ACSBG2: variants seen among roughly 807,000 people sequenced by gnomAD.
The protein encoded by ACSBG2 is acyl-CoA synthetase bubblegum family member 2, also known as long-chain-fatty-acid--CoA ligase ACSBG2.
Under a neutral mutation model 74.7 loss-of-function variants are expected in ACSBG2, and 62 were observed. The observed-to-expected ratio is 0.83, with a 90% CI of 0.68 to 1.03. The LOEUF (loss-of-function observed/expected upper bound fraction) is 1.03. Ranked by LOEUF, ACSBG2 falls within the 50% of genes least tolerant of loss-of-function variation. The probability of loss-of-function intolerance (pLI) is 0.00; values close to 1 mark genes in which losing one functional copy is unlikely to be tolerated. For synonymous variants in ACSBG2, 309 were observed against 294.1 expected (o/e 1.05, Z -0.52); for missense variants, 730 against 817.6 (o/e 0.89, Z 1.31).
intron 13 of ACSBG2, 189 bp from the exon 14 acceptor site, chr19:6,190,395 C>T: frequency 1.8e-6 from 1 of 560,842 alleles, no homozygotes; most frequent in Non-Finnish European, 3.2e-6. Context: ...ATCCTCACCA[C>T]AGCTGAAGGA....
At chr19:6,145,117 G>A (rs916756250) in intron 2 of ACSBG2, among the ~76,000 whole-genome samples, 6 of 151,926 alleles carry the variant, frequency 3.9e-5, no homozygotes, top group South Asian at 2.1e-4. Context: ...GTAGCATCCC[G>A]GCCGGGCGCG....
chr19:6,147,742 C>A, intron 3 of ACSBG2, 67 bp downstream of exon 3: 1 of 1,501,174 alleles, frequency 6.7e-7, no homozygotes, highest in Non-Finnish European at 9.2e-7. Context: ...GACATACATA[C>A]ATGTGGTACA....
intron 2 of ACSBG2, among the ~76,000 whole-genome samples, chr19:6,145,983 C>T (rs2089016993): frequency 1.3e-5 from 2 of 152,128 alleles, no homozygotes; most frequent in Non-Finnish European, 2.9e-5. Flanking sequence ...AATCTTCTCC[C>T]CATGAACGAC....
At chr19:6,148,753 C>T (rs2089133246) in intron 3 of ACSBG2, among the ~76,000 whole-genome samples, 2 of 152,088 alleles carry the variant, frequency 1.3e-5, no homozygotes, top group Non-Finnish European at 2.9e-5. Context: ...GAAAGATGGT[C>T]TCCTTTAGCC....
rs747175659 is a variant in ACSBG2 at position 6,183,081 on chromosome 19, C to T, written c.1131C>T (p.Leu377=). 47 of 1,614,070 alleles carry T rather than the reference C, an allele frequency of 2.9e-5. No homozygotes were observed. Among genetic ancestry groups the T allele is most frequent in the Non-Finnish European group, 3.5e-5 (41 of 1,180,036 alleles). ...TPVSYRMAKT[L]VFSKVKTSLG... ...TGAGCTACCGCATGGCTAAGACTCT[C>T]GTGTTCAGCAAAGTCAAGACATCCC... Residue 377 remains leucine, a synonymous_variant, in exon 10 of 15, where the codon CTC becomes CTT. Transcript: ENST00000588485.
At chr19:6,186,270 C>T (rs1209837634) in intron 11 of ACSBG2, among the ~76,000 whole-genome samples, 7 of 152,302 alleles carry the variant, frequency 4.6e-5, no homozygotes, top group Admixed American at 2.6e-4. Flanking sequence ...GTTGTAGCTT[C>T]TCAACTCTGT....
intron 7 of ACSBG2, among the ~76,000 whole-genome samples, chr19:6,172,612 T>G (rs1042357851): frequency 6.6e-6 from 1 of 152,200 alleles, no homozygotes; most frequent in Non-Finnish European, 1.5e-5. Flanking sequence ...ATGCTGCTTG[T>G]TGTAATGATG....
At chr19:6,184,286 T>C (rs1301550763) in intron 10 of ACSBG2, among the ~76,000 whole-genome samples, 2 of 152,130 alleles carry the variant, frequency 1.3e-5, no homozygotes, top group Admixed American at 1.3e-4. Flanking sequence ...TTGTCATTGG[T>C]ATTTTGATTT....
In ACSBG2 at chr19:6,189,354, G is replaced by C. The variant is rs535226927; in HGVS notation, c.1928-1230G>C. Among the ~76,000 whole-genome samples, 6 of 152,302 alleles carry C rather than the reference G, an allele frequency of 3.9e-5. No individual in the cohort carries two copies. The South Asian group carries it at 1.0e-3, about 26-fold the overall frequency. On this transcript the variant is annotated intron_variant, in intron 13 of 14. Coordinates refer to ENST00000588485, the MANE Select transcript of ACSBG2 (RefSeq NM_030924.5). ...CCCCATGAGGGAAGGGCTCACTCCA[G>C]AGTGGGGATACTGGATTCTACTAAT...
chr19:6,187,892 G>T, intron 13 of ACSBG2, 47 bp downstream of exon 13: 1 of 1,598,608 alleles, frequency 6.3e-7, no homozygotes, highest in South Asian at 1.1e-5. Flanking sequence ...TAGCATCTGG[G>T]ACTGTGTGGG....
At chr19:6,170,327 A>AT (rs1177486090) in intron 7 of ACSBG2, among the ~76,000 whole-genome samples, 2 of 152,314 alleles carry the variant, frequency 1.3e-5, no homozygotes, top group South Asian at 2.1e-4. Context: ...TTCTGCAGCC[A>AT]TTGAGATGAT....
rs760464302 is a variant in ACSBG2, at chr19:6,183,226, T to G, written c.1276T>G (p.Ser426Ala). The change falls in exon 10 of 15, where the codon TCG becomes GCG. Residue 426 changes from serine to alanine, a missense_variant. By Grantham distance (99) the Ser-to-Ala change is moderately conservative. Transcript: ENST00000588485. ...IGELYGLSES[S>A]GPHTISNQNN... ...CGAGTTGTATGGGTTGAGTGAGAGC[T>G]CGGGACCCCACACGATATCCAACCA... is the stretch of plus-strand genomic sequence containing the variant. The G allele has an allele frequency of 2.5e-6, 4 of 1,614,050 alleles. No individual in the cohort carries two copies. The highest frequency in any genetic ancestry group is 3.4e-6 in the Non-Finnish European group (4 of 1,180,000).
chr19:6,173,330 A>C (rs2145185938), intron 7 of ACSBG2, among the ~76,000 whole-genome samples: 1 of 152,298 alleles, frequency 6.6e-6, no homozygotes, highest in Middle Eastern at 3.4e-3. Context: ...ACAGGTGCAC[A>C]ACCAGTGTGG....
chr19:6,185,308 C>T lies in ACSBG2; in HGVS notation c.1323-128C>T, dbSNP rs117780641. 2,253 of 849,708 alleles carry T rather than the reference C, an allele frequency of 2.7e-3. 17 individuals are homozygous for T. Among genetic ancestry groups the T allele is most frequent in the Non-Finnish European group, 1.9e-3 (1,001 of 517,056 alleles). The allele number at this position is 849,708 out of a possible 1,614,324, so 52.6% of individuals were successfully genotyped here. A position where few individuals can be genotyped will look rare whatever the true frequency, so the allele number is the denominator to read the frequency against. ...ACTGCAGCAAACACCTCCTTCTGTG[C>T]GCTGGGGTGCATATCCAGCCTGCTC... On this transcript the variant is annotated intron_variant, in intron 10 of 14. Coordinates refer to ENST00000588485, the MANE Select transcript of ACSBG2 (RefSeq NM_030924.5).
At chr19:6,148,787 A>G (rs1363694706) in intron 3 of ACSBG2, among the ~76,000 whole-genome samples, 2 of 152,058 alleles carry the variant, frequency 1.3e-5, no homozygotes, top group Non-Finnish European at 2.9e-5. Flanking sequence ...CGTGGAGTTA[A>G]AGGTCCCCCT....
Position 6,165,973 on chromosome 19 carries a change from G to A in ACSBG2, c.696G>A (p.Gly232=), listed in dbSNP as rs1273533806. 1.2e-6 allele frequency: 2 copies of A among 1,614,154 alleles called. No individual in the cohort carries two copies. Among genetic ancestry groups the A allele is most frequent in the Admixed American group, 3.3e-5 (2 of 60,020 alleles). Residue 232 remains glycine (G), a synonymous_variant, in exon 7 of 15, where the codon GGG becomes GGA. Coordinates refer to ENST00000588485, the MANE Select transcript of ACSBG2 (RefSeq NM_030924.5). ...GCGCAGTGCTCATCTACACTTCAGG[G>A]ACCACAGGCATACCCAAGGGAGTGA... ...NQCAVLIYTS[G]TTGIPKGVML...
Position 6,183,054 on chromosome 19 carries a change from C to G in ACSBG2, c.1104C>G (p.Pro368=). 1 of 1,614,118 alleles carries G rather than the reference C, an allele frequency of 6.2e-7. No individual in the cohort carries two copies. Among genetic ancestry groups the G allele is most frequent in the Non-Finnish European group, 8.5e-7 (1 of 1,179,982 alleles). The change falls in exon 10 of 15, where the codon CCC becomes CCG. Residue 368 remains proline (P), a synonymous_variant. Transcript: ENST00000588485. ...SKKMLGKYNT[P]VSYRMAKTLV... is the part of the protein sequence containing the mutation. ...TTATTCACAGGAAATATAATACTCC[C>G]GTGAGCTACCGCATGGCTAAGACTC...
intron 3 of ACSBG2, among the ~76,000 whole-genome samples, chr19:6,148,877 C>T (rs1049504787): frequency 9.9e-5 from 15 of 152,068 alleles, no homozygotes; most frequent in Non-Finnish European, 1.8e-4. Context: ...CCAAGGTGGG[C>T]GGATCAAGGT....
chr19:6,153,245 CA>C (rs1327481042), intron 4 of ACSBG2, among the ~76,000 whole-genome samples: 1 of 151,510 alleles, frequency 6.6e-6, no homozygotes, highest in Admixed American at 6.6e-5. Context: ...GACTCCATCT[CA>C]AAAAAACAAA....
Sources: allele counts gnomAD v4.1 joint callset (sites outside exome capture counted in the v4.1 genomes callset), GRCh38; gene constraint gnomAD v4.1.1; transcripts MANE v1.5; gene names NCBI Gene and HGNC (gene_info 2026-07-23, HGNC 2026-07-21).